Variants in GPR26 observed in about 807,000 individuals in gnomAD.
GPR26 encodes G protein-coupled receptor 26.
GPR26 carries 15 observed loss-of-function variants against 23.1 expected under a neutral mutation model. The observed-to-expected ratio is 0.65, with a 90% CI of 0.43 to 1.00. The LOEUF is 1.00. GPR26 is among the 50% of genes least tolerant of loss of function. The pLI is 0.00. For missense variants in GPR26, 359 were observed against 470.5 expected (o/e 0.76, Z 2.19); for synonymous variants, 228 against 222.1 (o/e 1.03, Z -0.24).
Position 123,688,297 on chromosome 10 carries a change from G to A in GPR26, c.*137G>A. On this transcript the variant is annotated 3_prime_UTR_variant, in exon 3 of 3. Transcript: ENST00000284674. ...AGTGATCCTGGTTCCCTGGCTTGTAGGGGCTCCAGAGCCTGCTTCCTGGTT... is the reference window on the plus strand; with the variant it reads ...AGTGATCCTGGTTCCCTGGCTTGTAAGGGCTCCAGAGCCTGCTTCCTGGTT... 2 of 641,930 alleles carry A rather than the reference G, an allele frequency of 3.1e-6. No individual in the cohort carries two copies. The highest frequency in any genetic ancestry group is 2.7e-5 in the East Asian group (1 of 36,784). The allele number at this position is 641,930 out of a possible 1,614,324, so 39.8% of individuals were successfully genotyped here.
chr10:123,681,554 C>T (rs1048909516), intron 2 of GPR26, among the ~76,000 whole-genome samples: 9 of 152,144 alleles, frequency 5.9e-5, no homozygotes, highest in African/African-American at 1.2e-4. Context: ...TGTAGGTTGA[C>T]GTCAGATGGC....
chr10:123,679,302 CTG>C (rs145608834), intron 2 of GPR26, among the ~76,000 whole-genome samples: 7,272 of 152,162 alleles, frequency 0.048, 327 homozygotes, highest in African/African-American at 0.11. Flanking sequence ...TAGCAGAGCA[CTG>C]TGTTGAAAGC....
chr10:123,670,417 C>T (rs1471503018), intron 1 of GPR26, among the ~76,000 whole-genome samples: 2 of 152,230 alleles, frequency 1.3e-5, no homozygotes, highest in Non-Finnish European at 2.9e-5. Flanking sequence ...ATGGATGGAG[C>T]AAATAGTGCA....
In GPR26 at chr10:123,674,987, T is replaced by C. The variant is rs1589925249; in HGVS notation, c.782+56T>C. On this transcript the variant is annotated intron_variant, in intron 2 of 2. Transcript: ENST00000284674. The surrounding 1 kb of genome is among the most constrained non-coding windows in gnomAD (Gnocchi z 4.1). ...CTTTGAAGAGTAAGGCAGGGCCCAGTGACCTTTAGCAGTGGCAGCCTCTCT... is the reference window on the plus strand; with the variant it reads ...CTTTGAAGAGTAAGGCAGGGCCCAGCGACCTTTAGCAGTGGCAGCCTCTCT... The C allele has an allele frequency of 1.8e-6, 2 of 1,114,098 alleles. No homozygotes were observed. Among genetic ancestry groups the C allele is most frequent in the African/African-American group, 1.5e-5 (1 of 65,292 alleles). 69.0% of individuals were successfully genotyped at this position (1,114,098 alleles called of 1,614,324 possible).
chr10:123,670,932 T>A (rs1845242837), intron 1 of GPR26, among the ~76,000 whole-genome samples: 1 of 152,090 alleles, frequency 6.6e-6, no homozygotes, highest in African/African-American at 2.4e-5. Flanking sequence ...GAACTCTTTG[T>A]TGTGTGGGGA....
At position 123,693,652 on chromosome 10, in the gene GPR26, T is replaced by C. The variant is rs1422004780; in HGVS notation, c.*5492T>C. The C allele has an allele frequency of 1.3e-5, 2 of 152,334 alleles. No homozygotes were observed. The highest frequency in any genetic ancestry group is 2.9e-5 in the Non-Finnish European group (2 of 68,122). The allele number at this position is 152,334 out of a possible 1,614,324, so 9.4% of individuals were successfully genotyped here. A position where few individuals can be genotyped will look rare whatever the true frequency, so the allele number is the denominator to read the frequency against. On this transcript the variant is annotated 3_prime_UTR_variant, in exon 3 of 3. Transcript: ENST00000284674. ...AGTCCAACCCCAGGCCAGCTGCCTTTGCTCTGCTGTGGCCTAAGTTCTGGC... is the reference window on the plus strand; with the variant it reads ...AGTCCAACCCCAGGCCAGCTGCCTTCGCTCTGCTGTGGCCTAAGTTCTGGC...
rs1216592489 is a variant in GPR26, at chr10:123,694,928, C to T, written c.*6768C>T. Among the ~76,000 whole-genome samples the T allele has an allele frequency of 1.3e-5, 2 of 152,140 alleles. No homozygotes were observed. The highest frequency in any genetic ancestry group is 2.9e-5 in the Non-Finnish European group (2 of 68,034). ...TCTTCTGACAATATCCTGAAGGGTT[C>T]GAATGTTTGTCTTCGGTAGGGAGTG... On this transcript the variant is annotated 3_prime_UTR_variant, in exon 3 of 3. Coordinates refer to ENST00000284674, the MANE Select transcript of GPR26 (RefSeq NM_153442.4).
chr10:123,691,367 G>A lies in GPR26; in HGVS notation c.*3207G>A, dbSNP rs1485698134. 2 of 152,154 alleles carry A rather than the reference G, an allele frequency of 1.3e-5. No homozygotes were observed. The highest frequency in any genetic ancestry group is 6.5e-5 in the Admixed American group (1 of 15,280). 9.4% of individuals were successfully genotyped at this position (152,154 alleles called of 1,614,324 possible). A position where few individuals can be genotyped will look rare whatever the true frequency, so the allele number is the denominator to read the frequency against. ...ACTCAGCTCAGCCTCCTGTCCCCAT[G>A]AGCAATAAAACTCTCTCCTTATGTC... On this transcript the variant is annotated 3_prime_UTR_variant, in exon 3 of 3. Transcript: ENST00000284674.
chr10:123,679,885 C>A (rs1845350244), intron 2 of GPR26, among the ~76,000 whole-genome samples: 1 of 152,242 alleles, frequency 6.6e-6, no homozygotes, highest in Non-Finnish European at 1.5e-5. Context: ...GCGAGTCATA[C>A]TCCTGGACTC....
rs1845287105 is a variant in GPR26, at chr10:123,674,769, C to T, written c.669-49C>T. ...GTTAGTAAATAGTGCCTCATCCTGACCTAGCAAGGGTGCCTCGTAGTTCAC... is the reference window on the plus strand; with the variant it reads ...GTTAGTAAATAGTGCCTCATCCTGATCTAGCAAGGGTGCCTCGTAGTTCAC... On this transcript the variant is annotated intron_variant, in intron 1 of 2. Transcript: ENST00000284674. This position sits in a 1 kb window ranked among gnomAD's most constrained non-coding sequence, Gnocchi z 4.1. 1 of 1,248,386 alleles carries T rather than the reference C, an allele frequency of 8.0e-7. No homozygotes were observed. Among genetic ancestry groups the T allele is most frequent in the Non-Finnish European group, 1.2e-6 (1 of 855,686 alleles). 77.3% of individuals were successfully genotyped at this position (1,248,386 alleles called of 1,614,324 possible).
chr10:123,680,259 G>C (rs534028809), intron 2 of GPR26, among the ~76,000 whole-genome samples: 1 of 152,334 alleles, frequency 6.6e-6, no homozygotes, highest in East Asian at 1.9e-4. Context: ...GGTGGAGCTT[G>C]TTTGAGCTAA....
rs529569788 is a variant in GPR26, at chr10:123,666,993, C to T, written c.586C>T (p.Leu196Phe). The change falls in exon 1 of 3, where the codon CTC becomes TTC. Residue 196 changes from leucine to phenylalanine, a missense_variant. Coordinates refer to ENST00000284674, the MANE Select transcript of GPR26 (RefSeq NM_153442.4). ...VVLCCTYLKV[L>F]KVARFHCKRI... ...GCTCTGCTGCACGTACCTCAAGGTG[C>T]TCAAGGTGGCCCGCTTCCATTGCAA... 2.5e-6 allele frequency: 4 copies of T among 1,613,282 alleles called. No homozygotes were observed. The South Asian group carries it at 3.3e-5, about 13-fold the overall frequency.
intron 1 of GPR26, among the ~76,000 whole-genome samples, chr10:123,668,072 G>A (rs181612892): frequency 1.2e-4 from 18 of 152,240 alleles, no homozygotes; most frequent in Non-Finnish European, 1.8e-4. Flanking sequence ...AGATGGTGTC[G>A]CAGGTGAGGC....
chr10:123,672,453 G>T (rs558696396), intron 1 of GPR26, among the ~76,000 whole-genome samples: 6 of 152,284 alleles, frequency 3.9e-5, no homozygotes, highest in African/African-American at 1.4e-4. Context: ...TGCCATTAAG[G>T]TTAGGAAATC....
intron 2 of GPR26, among the ~76,000 whole-genome samples, chr10:123,683,086 G>A (rs1163826660): frequency 1.7e-5 from 2 of 114,888 alleles, no homozygotes; most frequent in East Asian, 4.3e-4. Flanking sequence ...GAAGAGAGGA[G>A]AGATGATGGT....
chr10:123,678,389 C>T (rs1589926980), intron 2 of GPR26, among the ~76,000 whole-genome samples: 1 of 152,168 alleles, frequency 6.6e-6, no homozygotes, highest in Non-Finnish European at 1.5e-5. Flanking sequence ...TCAGAACTTC[C>T]TCCTCCACCT....
chr10:123,677,040 G>GTGC (rs1220067474), intron 2 of GPR26, among the ~76,000 whole-genome samples: 1 of 152,206 alleles, frequency 6.6e-6, no homozygotes, highest in Non-Finnish European at 1.5e-5. Flanking sequence ...CACACAGAGT[G>GTGC]CCTCCTCTTA....
intron 2 of GPR26, among the ~76,000 whole-genome samples, chr10:123,683,317 G>A (rs990146246): frequency 6.6e-6 from 1 of 152,188 alleles, no homozygotes; most frequent in African/African-American, 2.4e-5. Context: ...CTCTGCCTTG[G>A]TTCCATCTTC....
intron 2 of GPR26, among the ~76,000 whole-genome samples, chr10:123,682,125 C>T (rs954088282): frequency 3.9e-5 from 6 of 152,172 alleles, no homozygotes; most frequent in African/African-American, 1.4e-4. Flanking sequence ...AGTAGGGCCA[C>T]GCATAAGTAC....
Sources: allele counts gnomAD v4.1 joint callset (sites outside exome capture counted in the v4.1 genomes callset), GRCh38; gene constraint gnomAD v4.1.1; non-coding constraint Gnocchi (gnomAD v3.1); transcripts MANE v1.5; gene names NCBI Gene and HGNC (gene_info 2026-07-23, HGNC 2026-07-21).